Variants in CTNNA2 observed in about 807,000 individuals in gnomAD.
The protein encoded by CTNNA2 is catenin alpha 2.
A neutral mutation model predicts 101.0 loss-of-function variants in CTNNA2; 42 were observed. That is an observed-to-expected ratio of 0.42 (90% confidence interval 0.32 to 0.54). The LOEUF is 0.54. Ranked by LOEUF, CTNNA2 falls within the 20% of genes least tolerant of loss-of-function variation. The pLI is 0.14. For synonymous variants in CTNNA2, 450 were observed against 456.4 expected (o/e 0.99, Z 0.18); for missense variants, 871 against 1,223.1 (o/e 0.71, Z 4.29).
At chr2:79,495,402 A>G (rs1671246103) in intron 4 of CTNNA2, among the ~76,000 whole-genome samples, 1 of 152,228 alleles carries the variant, frequency 6.6e-6, no homozygotes, top group Admixed American at 6.5e-5. Flanking sequence ...GTAAATGCAA[A>G]TGAAAACCAA....
At chr2:79,443,059 T>G (rs1678793781) in intron 4 of CTNNA2, among the ~76,000 whole-genome samples, 1 of 152,176 alleles carries the variant, frequency 6.6e-6, no homozygotes, top group Admixed American at 6.6e-5. Flanking sequence ...GAAGAATATA[T>G]GTTCTATTGG....
Position 80,608,213 on chromosome 2 carries a change from A to G in CTNNA2, c.2325A>G (p.Leu775=). The G allele has an allele frequency of 6.2e-7, 1 of 1,610,832 alleles. No homozygotes were observed. The highest frequency in any genetic ancestry group is 8.5e-7 in the Non-Finnish European group (1 of 1,177,772). The change falls in exon 17 of 19, where the codon TTA becomes TTG. Residue 775 remains leucine (L), a synonymous_variant. Coordinates refer to ENST00000402739, the MANE Select transcript of CTNNA2 (RefSeq NM_001282597.3). ...CTGATTCAGCATGTAAGCAGGATTT[A>G]TTAGCCTACCTTCAACGAATTGCCT... The part of the protein sequence containing the change: ...QCPDSACKQD[L]LAYLQRIALY...
rs927722267 is a variant in CTNNA2 at position 80,270,112 on chromosome 2, G to A, written c.1057-123099G>A. ...TGTATTTACATATGAAGGTGAATTC[G>A]TTCCGATGAGAAAGATGTTGTCCCT... On this transcript the variant is annotated intron_variant, in intron 7 of 18. Transcript: ENST00000402739. Among the ~76,000 whole-genome samples, 6 of 152,108 alleles carry A rather than the reference G, an allele frequency of 3.9e-5. No homozygotes were observed. The East Asian group carries it at 7.7e-4, about 20-fold the overall frequency.
At chr2:79,901,229 G>A (rs1685051651) in intron 6 of CTNNA2, among the ~76,000 whole-genome samples, 1 of 147,666 alleles carries the variant, frequency 6.8e-6, no homozygotes, top group Admixed American at 6.9e-5. Context: ...TTTTTTTTAA[G>A]ATTTAAAAGA....
At chr2:79,690,069 A>T (rs1327915542) in intron 2 of CTNNA2, among the ~76,000 whole-genome samples, 1 of 152,040 alleles carries the variant, frequency 6.6e-6, no homozygotes, top group Admixed American at 6.6e-5. Flanking sequence ...TCTAAATCTG[A>T]TGAAAGCCAT....
At chr2:79,317,204 T>C in intron 3 of CTNNA2, among the ~76,000 whole-genome samples, 1 of 152,028 alleles carries the variant, frequency 6.6e-6, no homozygotes, top group East Asian at 1.9e-4. Context: ...ATGTGGTGCA[T>C]TCCATAAAAT....
In CTNNA2 at chr2:80,324,806, C is replaced by T. The variant is rs187716266; in HGVS notation, c.1057-68405C>T. 4.3e-4 allele frequency among the ~76,000 whole-genome samples: 65 copies of T among 152,202 alleles called. No individual in the cohort carries two copies. In the East Asian group the frequency reaches 9.5e-3, roughly 22 times the overall value. On this transcript the variant is annotated intron_variant, in intron 7 of 18. Coordinates refer to ENST00000402739, the MANE Select transcript of CTNNA2 (RefSeq NM_001282597.3). ...ACTCTTTCCTTTGATCTCCCCCATG[C>T]GGGATCTGTTTTATGAATGCCCTTC...
intron 2 of CTNNA2, among the ~76,000 whole-genome samples, chr2:79,687,189 A>T (rs2104677153): frequency 6.6e-6 from 1 of 152,138 alleles, no homozygotes; most frequent in African/African-American, 2.4e-5. Flanking sequence ...ATAAAATGTA[A>T]AGACCCCTTG....
chr2:79,411,913 A>G (rs1206794963), intron 4 of CTNNA2, among the ~76,000 whole-genome samples: 1 of 152,172 alleles, frequency 6.6e-6, no homozygotes, highest in Non-Finnish European at 1.5e-5. Context: ...TTTAAATATA[A>G]ATGGACTAAA....
chr2:79,581,974 T>G (rs1418960526), intron 1 of CTNNA2, among the ~76,000 whole-genome samples: 1 of 152,182 alleles, frequency 6.6e-6, no homozygotes, highest in Non-Finnish European at 1.5e-5. Context: ...GAAATACAGC[T>G]GTAGGTATTA....
chr2:80,489,427 C>A (rs1686858780), intron 9 of CTNNA2, among the ~76,000 whole-genome samples: 2 of 152,084 alleles, frequency 1.3e-5, no homozygotes, highest in African/African-American at 4.8e-5. Flanking sequence ...AAAACACAAG[C>A]TACCTTATAA....
At chr2:79,881,441 G>A (rs1683417273) in intron 6 of CTNNA2, among the ~76,000 whole-genome samples, 1 of 151,950 alleles carries the variant, frequency 6.6e-6, no homozygotes, top group African/African-American at 2.4e-5. Context: ...TGTGTGTAGA[G>A]ACCTATTAGT....
At chr2:79,558,918 C>T (rs1010179548) in intron 1 of CTNNA2, among the ~76,000 whole-genome samples, 2 of 151,732 alleles carry the variant, frequency 1.3e-5, no homozygotes, top group African/African-American at 4.8e-5. Context: ...TGCTGGTACT[C>T]TCTGCTCCTT....
At chr2:80,131,008 A>G (rs974915211) in intron 7 of CTNNA2, among the ~76,000 whole-genome samples, 1 of 151,568 alleles carries the variant, frequency 6.6e-6, no homozygotes, top group Admixed American at 6.6e-5. Context: ...AAAAAAGCAT[A>G]TGGTTTAGTT....
chr2:79,928,794 C>T (rs1223200909), intron 7 of CTNNA2, among the ~76,000 whole-genome samples: 1 of 151,978 alleles, frequency 6.6e-6, no homozygotes, highest in Admixed American at 6.6e-5. Context: ...GTACTTCTTC[C>T]TTTGATAGAT....
chr2:79,199,599 C>T (rs757033166), intron 2 of CTNNA2, among the ~76,000 whole-genome samples: 1 of 152,056 alleles, frequency 6.6e-6, no homozygotes, highest in Non-Finnish European at 1.5e-5. Flanking sequence ...GTTGGACTGA[C>T]CAGCACAAAA....
At chr2:80,441,523 A>C (rs1334346829) in intron 9 of CTNNA2, among the ~76,000 whole-genome samples, 1 of 152,222 alleles carries the variant, frequency 6.6e-6, no homozygotes, top group East Asian at 1.9e-4. Flanking sequence ...AAAAAAATAT[A>C]TAAAAGCAGC....
chr2:79,859,216 A>T (rs1330737106), intron 4 of CTNNA2, among the ~76,000 whole-genome samples: 1 of 152,016 alleles, frequency 6.6e-6, no homozygotes, highest in Non-Finnish European at 1.5e-5. Context: ...CTGGATTATC[A>T]TGTTTCCTAT....
intron 8 of CTNNA2, among the ~76,000 whole-genome samples, chr2:80,399,075 A>AT (rs375797544): frequency 0.02 from 2,697 of 137,476 alleles, 68 homozygotes; most frequent in African/African-American, 0.049. Context: ...CGCCTGGCTA[A>AT]TTTTTTTTTT....
Sources: allele counts gnomAD v4.1 joint callset (sites outside exome capture counted in the v4.1 genomes callset), GRCh38; gene constraint gnomAD v4.1.1; transcripts MANE v1.5; gene names NCBI Gene and HGNC (gene_info 2026-07-23, HGNC 2026-07-21).